KMT2C: variants seen among roughly 807,000 people sequenced by gnomAD.
KMT2C encodes lysine methyltransferase 2C.
In KMT2C, 88 loss-of-function variants were observed where a neutral mutation model predicts 507.9. The ratio of observed to expected loss-of-function variants is 0.17; its 90% CI spans 0.15 to 0.21. The LOEUF (loss-of-function observed/expected upper bound fraction) is 0.21, where lower values mean the gene tolerates loss of function less well. KMT2C is among the 10% of genes least tolerant of loss of function. The pLI is 1.00. For synonymous variants in KMT2C, 2,049 were observed against 2,080.8 expected (o/e 0.98, Z 0.42); for missense variants, 4,954 against 5,957.8 (o/e 0.83, Z 5.55).
At chr7:152,344,947 A>C (rs1001656308) in intron 2 of KMT2C, among the ~76,000 whole-genome samples, 1 of 152,186 alleles carries the variant, frequency 6.6e-6, no homozygotes, top group Non-Finnish European at 1.5e-5. Flanking sequence ...AGATGATGCC[A>C]CTGCACTCCA....
At chr7:152,280,173 TAA>T (rs2096178098) in intron 6 of KMT2C, among the ~76,000 whole-genome samples, 1 of 152,206 alleles carries the variant, frequency 6.6e-6, no homozygotes, top group Non-Finnish European at 1.5e-5. Context: ...TCTTTGAAGA[TAA>T]AAAGAGCCAC....
chr7:152,257,854 T>TAC (rs1239220064), intron 9 of KMT2C, among the ~76,000 whole-genome samples: 2 of 148,964 alleles, frequency 1.3e-5, no homozygotes, highest in Non-Finnish European at 2.9e-5. Flanking sequence ...GCCGATGAGC[T>TAC]ACACACACAC....
At chr7:152,418,291 A>C (rs1229567189) in intron 1 of KMT2C, among the ~76,000 whole-genome samples, 1 of 152,164 alleles carries the variant, frequency 6.6e-6, no homozygotes, top group Non-Finnish European at 1.5e-5. Context: ...CTGTCCTATA[A>C]AAATAACCAA....
At chr7:152,184,915 C>T (rs2093575260) in intron 34 of KMT2C, among the ~76,000 whole-genome samples, 1 of 152,166 alleles carries the variant, frequency 6.6e-6, no homozygotes, top group African/African-American at 2.4e-5. Context: ...CCATCATACC[C>T]AGCTAATTTT....
intron 1 of KMT2C, among the ~76,000 whole-genome samples, chr7:152,420,153 A>ACAT (rs1235173908): frequency 6.6e-6 from 1 of 152,224 alleles, no homozygotes; most frequent in Non-Finnish European, 1.5e-5. Context: ...ATTTTGCCTA[A>ACAT]CATCCTCCTT....
Position 152,177,948 on chromosome 7 carries a change from G to A in KMT2C, c.7505C>T (p.Pro2502Leu), listed in dbSNP as rs747943626. Residue 2502 changes from proline to leucine, a missense_variant, in exon 38 of 59, where the codon CCT (proline) becomes CTT (leucine). Pro to Leu is a moderately conservative substitution (Grantham distance 98, BLOSUM62 -3). Around this residue, in one of 29 missense-constraint regions of KMT2C, gnomAD observed 1,689 missense variants for 1,654.3 expected, o/e 1.02. Coordinates refer to ENST00000262189, the MANE Select transcript of KMT2C (RefSeq NM_170606.3). Reference sequence around the variant, plus strand: ...AACTCCAGATCCCTGTATTTGCTGAGGAGGCACAAGGAAGCGCTCTTGACT... The same window carrying A: ...AACTCCAGATCCCTGTATTTGCTGAAGAGGCACAAGGAAGCGCTCTTGACT... ...MPSQERFLVPPQQIQGSGVSP... is the reference protein window; with the variant it reads ...MPSQERFLVPLQQIQGSGVSP... The A allele has an allele frequency of 5.0e-6, 8 of 1,595,558 alleles. No individual in the cohort carries two copies. In the East Asian group the frequency reaches 1.6e-4, roughly 32 times the overall value.
chr7:152,357,525 CTT>C (rs915798258), intron 2 of KMT2C, among the ~76,000 whole-genome samples: 9 of 151,552 alleles, frequency 5.9e-5, no homozygotes, highest in African/African-American at 1.7e-4. Flanking sequence ...GAGCAAGACT[CTT>C]GTCTTAAAAA....
chr7:152,167,004 T>G, intron 42 of KMT2C, 142 bp downstream of exon 42: 1 of 636,976 alleles, frequency 1.6e-6, no homozygotes, highest in Non-Finnish European at 2.7e-6. Flanking sequence ...GTCTCAGAGC[T>G]GTCACTTTTT....
At chr7:152,359,698 T>C (rs1401596858) in intron 1 of KMT2C, among the ~76,000 whole-genome samples, 1 of 149,182 alleles carries the variant, frequency 6.7e-6, no homozygotes, top group Non-Finnish European at 1.5e-5. Flanking sequence ...AGGGAGGAAA[T>C]AGAAAGAAAA....
At position 152,182,011 on chromosome 7, in the gene KMT2C, C is replaced by G; in HGVS notation, c.5849G>C (p.Arg1950Thr). The change falls in exon 36 of 59, where the codon AGA becomes ACA. Residue 1950 changes from arginine (R) to threonine (T), a missense_variant. Coordinates refer to ENST00000262189, the MANE Select transcript of KMT2C (RefSeq NM_170606.3). ...TGTCGTGGAAGAAGAACATAAATCT[C>G]TGACAGGGGATGGCCTATTTGCTGT... ...ETTANRPSPV[R>T]DLCSSSTTNN... The G allele has an allele frequency of 6.2e-7, 1 of 1,614,174 alleles. No individual in the cohort carries two copies. The highest frequency in any genetic ancestry group is 1.1e-5 in the South Asian group (1 of 91,068).
chr7:152,262,977 T>TA (rs1563638598), intron 9 of KMT2C, 39 bp downstream of exon 9: 1 of 1,478,448 alleles, frequency 6.8e-7, no homozygotes, highest in East Asian at 2.3e-5. Context: ...ATATAAAACA[T>TA]AGAGAGGATT....
At chr7:152,390,615 C>T (rs1050092166) in intron 1 of KMT2C, among the ~76,000 whole-genome samples, 3 of 152,120 alleles carry the variant, frequency 2.0e-5, no homozygotes, top group Admixed American at 1.3e-4. Context: ...ATTAGTATGT[C>T]CCCTATTTTT....
chr7:152,153,720 T>C (rs527981858), intron 48 of KMT2C, among the ~76,000 whole-genome samples: 18 of 141,140 alleles, frequency 1.3e-4, no homozygotes, highest in Admixed American at 6.2e-4. Flanking sequence ...AGAAGGAGAC[T>C]GTGTCTCTAT....
At chr7:152,303,951 G>A (rs2096593752) in intron 6 of KMT2C, among the ~76,000 whole-genome samples, 1 of 151,998 alleles carries the variant, frequency 6.6e-6, no homozygotes, top group African/African-American at 2.4e-5. Context: ...TTGCGCCACT[G>A]CAATCTCAGC....
intron 22 of KMT2C, among the ~76,000 whole-genome samples, chr7:152,221,437 G>A (rs200186941): frequency 6.6e-6 from 1 of 152,292 alleles, no homozygotes; most frequent in Admixed American, 6.5e-5. Context: ...AAAAATCAGA[G>A]TATCAACATA....
intron 2 of KMT2C, among the ~76,000 whole-genome samples, chr7:152,353,574 T>C (rs532141507): frequency 2.0e-5 from 3 of 152,258 alleles, no homozygotes; most frequent in East Asian, 1.9e-4. Context: ...TACAGGTCAC[T>C]GCAACTGGTG....
At chr7:152,388,194 TG>T in intron 1 of KMT2C, among the ~76,000 whole-genome samples, 1 of 152,412 alleles carries the variant, frequency 6.6e-6, no homozygotes, top group African/African-American at 2.4e-5. Flanking sequence ...TCATTCATTA[TG>T]GGTATACATT....
chr7:152,327,770 A>G (rs1274857191), intron 3 of KMT2C, among the ~76,000 whole-genome samples: 2 of 152,012 alleles, frequency 1.3e-5, no homozygotes, highest in South Asian at 2.1e-4. Flanking sequence ...CATCCTGGCT[A>G]ACACATTGAA....
At chr7:152,350,194 G>A (rs926571104) in intron 2 of KMT2C, among the ~76,000 whole-genome samples, 1 of 152,142 alleles carries the variant, frequency 6.6e-6, no homozygotes, top group Admixed American at 6.5e-5. Context: ...AAGTTGCAGT[G>A]AGCCGAGATT....
Sources: gnomAD v4.1 joint callset for allele counts (sites outside exome capture counted in the v4.1 genomes callset) on GRCh38, gnomAD v4.1.1 for gene constraint, gnomAD v4.1.1 regional missense constraint, MANE v1.5 for transcripts, NCBI Gene and HGNC (gene_info 2026-07-23, HGNC 2026-07-21) for gene names.